The following ATF2 variants were observed in gnomAD, a reference collection of about 807,000 sequenced individuals.
ATF2 encodes cyclic AMP-dependent transcription factor ATF-2.
Under a neutral mutation model 60.6 loss-of-function variants are expected in ATF2, and 24 were observed. The observed-to-expected ratio is 0.40, with a 90% confidence interval of 0.29 to 0.56. The LOEUF (loss-of-function observed/expected upper bound fraction) is 0.56. Among genes scored for constraint, ATF2 ranks in the 20% least tolerant of loss-of-function variants. The pLI, the probability that ATF2 is intolerant of heterozygous loss-of-function variation, is 0.54. For synonymous variants in ATF2, 206 were observed against 215.4 expected (o/e 0.96, Z 0.38); for missense variants, 433 against 607.7 (o/e 0.71, Z 3.02).
intron 12 of ATF2, among the ~76,000 whole-genome samples, chr2:175,081,995 C>T (rs1172210868): frequency 1.3e-5 from 2 of 152,122 alleles, no homozygotes; most frequent in Non-Finnish European, 2.9e-5. Flanking sequence ...GAAGCAGAGG[C>T]TGCAGTGAGG....
In ATF2 at chr2:175,074,774, A is replaced by G; in HGVS notation, c.1353T>C (p.Ala451=). 6.2e-7 allele frequency: 1 copy of G among 1,613,612 alleles called. No individual in the cohort carries two copies. Among genetic ancestry groups the G allele is most frequent in the Non-Finnish European group, 8.5e-7 (1 of 1,179,702 alleles). The change falls in exon 14 of 14, where the codon GCT becomes GCC. Residue 451 remains alanine (A), a synonymous_variant. Coordinates refer to ENST00000264110, the MANE Select transcript of ATF2 (RefSeq NM_001880.4). ...ATGTGCTGACCGAACTATGCTGTAT[A>G]GCTTCTGTATGTGGACTACTCGGCA... is the stretch of plus-strand genomic sequence containing the variant. The part of the protein sequence containing the change: ...ISVPSSPHTE[A]IQHSSVSTSN...
At chr2:175,121,930 T>C (rs1696981575) in intron 4 of ATF2, among the ~76,000 whole-genome samples, 2 of 151,890 alleles carry the variant, frequency 1.3e-5, no homozygotes, top group African/African-American at 4.8e-5. Context: ...GTAGTATTAA[T>C]ATTTACCTAG....
intron 1 of ATF2, among the ~76,000 whole-genome samples, chr2:175,161,456 A>C (rs1355560732): frequency 2.6e-5 from 4 of 152,232 alleles, no homozygotes; most frequent in African/African-American, 9.6e-5. Flanking sequence ...CAAGACTATG[A>C]GTTAAATTAT....
chr2:175,140,516 C>T (rs1698429777), intron 2 of ATF2, among the ~76,000 whole-genome samples: 1 of 152,010 alleles, frequency 6.6e-6, no homozygotes, highest in Non-Finnish European at 1.5e-5. Flanking sequence ...TACAAAGGGG[C>T]ATGAGAAAAC....
At chr2:175,095,116 G>C (rs1280566480) in intron 11 of ATF2, among the ~76,000 whole-genome samples, 2 of 115,262 alleles carry the variant, frequency 1.7e-5, no homozygotes, top group African/African-American at 3.3e-5. Context: ...TTTTTTTTTT[G>C]AGATGGAGTC....
intron 10 of ATF2, among the ~76,000 whole-genome samples, chr2:175,107,505 T>C (rs530630484): frequency 6.6e-6 from 1 of 151,316 alleles, no homozygotes; most frequent in African/African-American, 2.4e-5. Flanking sequence ...GATATCCTCA[T>C]AGAAGTACGT....
intron 13 of ATF2, chr2:175,075,198 T>C (rs1693210897): frequency 1.8e-6 from 1 of 552,226 alleles, no homozygotes; most frequent in Non-Finnish European, 2.6e-6. Context: ...TTGGCCTACA[T>C]GTCATTCTTA....
intron 13 of ATF2, among the ~76,000 whole-genome samples, chr2:175,077,781 C>A (rs1450532862): frequency 2.6e-5 from 4 of 152,102 alleles, no homozygotes; most frequent in Admixed American, 2.0e-4. Context: ...AATACCTTTA[C>A]AATGTGATAT....
chr2:175,137,670 G>A (rs562567103), intron 2 of ATF2, among the ~76,000 whole-genome samples: 7 of 152,186 alleles, frequency 4.6e-5, no homozygotes, highest in African/African-American at 1.7e-4. Context: ...GGATCAATCT[G>A]ATAGCTCTAG....
At chr2:175,155,618 A>G (rs1418603043) in intron 1 of ATF2, among the ~76,000 whole-genome samples, 1 of 152,242 alleles carries the variant, frequency 6.6e-6, no homozygotes, top group East Asian at 1.9e-4. Flanking sequence ...AATTAAATGT[A>G]TATTTGCTAC....
intron 2 of ATF2, among the ~76,000 whole-genome samples, chr2:175,141,490 T>C (rs2105783549): frequency 6.6e-6 from 1 of 152,238 alleles, no homozygotes; most frequent in East Asian, 1.9e-4. Context: ...AACATATTTT[T>C]CTTTTCTTTT....
intron 1 of ATF2, among the ~76,000 whole-genome samples, chr2:175,151,650 G>A (rs940517611): frequency 1.3e-5 from 2 of 152,086 alleles, no homozygotes; most frequent in Non-Finnish European, 2.9e-5. Flanking sequence ...GTATCAGTTA[G>A]GATTAGGTTC....
At chr2:175,075,438 A>G (rs1693226533) in intron 13 of ATF2, among the ~76,000 whole-genome samples, 5 of 152,142 alleles carry the variant, frequency 3.3e-5, no homozygotes, top group Admixed American at 3.3e-4. Flanking sequence ...TGCATGAATA[A>G]ATTGGGATTC....
rs895824321 is a variant in ATF2, at chr2:175,073,405, C to T, written c.*1204G>A. 1 of 152,016 alleles carries T rather than the reference C, an allele frequency of 6.6e-6. No individual in the cohort carries two copies. Among genetic ancestry groups the T allele is most frequent in the African/African-American group, 2.4e-5 (1 of 41,378 alleles). The allele number at this position is 152,016 out of a possible 1,614,324, so 9.4% of individuals were successfully genotyped here. ...CAATCATCTATTGGCCAGCATCACA[C>T]TGAAGGCATCGTTAAACATTCAAGC... On this transcript the variant is annotated 3_prime_UTR_variant, in exon 14 of 14. Transcript: ENST00000264110.
rs143042686 is a variant in ATF2 at position 175,118,152 on chromosome 2, T to A, written c.319-34A>T. On this transcript the variant is annotated intron_variant, in intron 6 of 13. Coordinates refer to ENST00000264110, the MANE Select transcript of ATF2 (RefSeq NM_001880.4). ...CAAATAATAAGGAAAAGGTTATAAG[T>A]TCAAAAACAGTGTGTCTAAATTTAA... 6.9e-4 allele frequency: 1,110 copies of A among 1,602,496 alleles called. 14 individuals carry two copies. The East Asian group carries it at 8.2e-3, about 12-fold the overall frequency.
chr2:175,130,970 T>C (rs932190259), intron 3 of ATF2, among the ~76,000 whole-genome samples: 1 of 152,156 alleles, frequency 6.6e-6, no homozygotes, highest in African/African-American at 2.4e-5. Context: ...CCTTGTAATG[T>C]ATCAAAACTT....
intron 10 of ATF2, among the ~76,000 whole-genome samples, chr2:175,108,619 G>A (rs942013258): frequency 9.9e-5 from 15 of 151,898 alleles, no homozygotes; most frequent in Admixed American, 6.5e-4. Context: ...CTGCCCGGCC[G>A]CCCCTTCTGG....
At chr2:175,080,334 C>T (rs1693678456) in intron 13 of ATF2, 1 of 166,464 alleles carries the variant, frequency 6.0e-6, no homozygotes, top group African/African-American at 2.4e-5. Flanking sequence ...TAGTGTTTCA[C>T]CCTGTCAATC....
intron 1 of ATF2, among the ~76,000 whole-genome samples, chr2:175,155,768 T>C (rs1383648472): frequency 6.6e-6 from 1 of 152,152 alleles, no homozygotes; most frequent in Non-Finnish European, 1.5e-5. Context: ...AACTGTGAAA[T>C]GAATTAATTC....
Sources: allele counts gnomAD v4.1 joint callset (sites outside exome capture counted in the v4.1 genomes callset), GRCh38; gene constraint gnomAD v4.1.1; transcripts MANE v1.5; gene names NCBI Gene and HGNC (gene_info 2026-07-23, HGNC 2026-07-21).